Variants in GLYAT observed in about 807,000 individuals in gnomAD.
The protein encoded by GLYAT is glycine-N-acyltransferase.
Under a neutral mutation model 22.8 loss-of-function variants are expected in GLYAT, and 25 were observed. That is an observed-to-expected ratio of 1.09 (90% CI 0.80 to 1.53). GLYAT has a LOEUF of 1.53. Ranked by LOEUF, GLYAT falls within the 40% of genes most tolerant of loss-of-function variation. GLYAT has a pLI of 0.00. For synonymous variants in GLYAT, 140 were observed against 122.7 expected (o/e 1.14, Z -0.93); for missense variants, 411 against 353.9 (o/e 1.16, Z -1.29).
At chr11:58,715,186 T>C in intron 3 of GLYAT, 130 bp downstream of exon 3, 1 of 555,306 alleles carries the variant, frequency 1.8e-6, no homozygotes, top group Admixed American at 3.3e-5. Flanking sequence ...TCCGAGCTTC[T>C]TGAGGATGGG....
chr11:58,721,935 C>T (rs1015635631), intron 2 of GLYAT, among the ~76,000 whole-genome samples: 3 of 151,960 alleles, frequency 2.0e-5, no homozygotes, highest in Non-Finnish European at 1.5e-5. Flanking sequence ...TAACAATGAT[C>T]ACCCAAATTA....
At chr11:58,723,384 T>C (rs1856775893) in intron 2 of GLYAT, among the ~76,000 whole-genome samples, 1 of 152,090 alleles carries the variant, frequency 6.6e-6, no homozygotes, top group Non-Finnish European at 1.5e-5. Flanking sequence ...ATTAGTTTAC[T>C]TGAAGCTATA....
At chr11:58,727,917 A>G (rs535674427) in intron 1 of GLYAT, among the ~76,000 whole-genome samples, 1 of 152,268 alleles carries the variant, frequency 6.6e-6, no homozygotes, top group East Asian at 1.9e-4. Flanking sequence ...GAATGGACAC[A>G]AGAGCCCAGA....
intron 1 of GLYAT, among the ~76,000 whole-genome samples, chr11:58,727,444 C>A (rs1317749064): frequency 5.9e-5 from 9 of 152,140 alleles, no homozygotes; most frequent in Non-Finnish European, 1.2e-4. Flanking sequence ...ACAGGAGATA[C>A]AGGGTGCAGC....
intron 2 of GLYAT, among the ~76,000 whole-genome samples, chr11:58,716,444 A>T (rs956123782): frequency 1.1e-4 from 16 of 152,066 alleles, no homozygotes; most frequent in Non-Finnish European, 2.4e-4. Context: ...AAAAAACTCT[A>T]AATCGACTAA....
At chr11:58,725,069 A>T (rs1033948271) in intron 1 of GLYAT, among the ~76,000 whole-genome samples, 24 of 152,098 alleles carry the variant, frequency 1.6e-4, no homozygotes, top group Non-Finnish European at 3.1e-4. Flanking sequence ...CACTTGAGCC[A>T]AAGTCCTATA....
intron 1 of GLYAT, among the ~76,000 whole-genome samples, chr11:58,730,080 G>A (rs1038148566): frequency 6.6e-6 from 1 of 152,148 alleles, no homozygotes; most frequent in Non-Finnish European, 1.5e-5. Flanking sequence ...GGCAGCACTG[G>A]GCAATGAGTA....
At position 58,731,835 on chromosome 11, in the gene GLYAT, CT is replaced by C. The variant is rs1306415583; in HGVS notation, c.-17del. The C allele has an allele frequency of 6.6e-6, 1 of 152,088 alleles. No homozygotes were observed. The highest frequency in any genetic ancestry group is 1.9e-4 in the East Asian group (1 of 5,176). 9.4% of individuals were successfully genotyped at this position (152,088 alleles called of 1,614,324 possible). On this transcript the variant is annotated splice_region_variant and 5_prime_UTR_variant, in exon 1 of 6. Coordinates refer to ENST00000344743, the MANE Select transcript of GLYAT (RefSeq NM_201648.3). ...CTGATACTTTGTAATGAGTCCTCAC[CT>C]GAAAAGCTAGTCTCTGCAGATGTTT...
At chr11:58,730,413 A>C (rs1418445078) in intron 1 of GLYAT, among the ~76,000 whole-genome samples, 1 of 152,182 alleles carries the variant, frequency 6.6e-6, no homozygotes, top group Non-Finnish European at 1.5e-5. Context: ...ATGCCATGCA[A>C]GTAATTTGCT....
intron 2 of GLYAT, among the ~76,000 whole-genome samples, chr11:58,723,996 G>A (rs1382360079): frequency 6.6e-6 from 1 of 151,964 alleles, no homozygotes; most frequent in Non-Finnish European, 1.5e-5. Context: ...ACTGGCAAGT[G>A]TCCTTTTGTA....
At chr11:58,725,691 G>A (rs1335102304) in intron 1 of GLYAT, among the ~76,000 whole-genome samples, 3 of 152,116 alleles carry the variant, frequency 2.0e-5, no homozygotes, top group Non-Finnish European at 4.4e-5. Context: ...AGAGCAGGAG[G>A]GAAAAGAAGT....
Position 58,731,874 on chromosome 11 carries a change from G to A in GLYAT, c.-55C>T, listed in dbSNP as rs1157020217. On this transcript the variant is annotated 5_prime_UTR_variant, in exon 1 of 6. Coordinates refer to ENST00000344743, the MANE Select transcript of GLYAT (RefSeq NM_201648.3). ...TCTGCAGATGTTTCCGGGAAGAAAC[G>A]ATGAGCAACACCCTTCTGGGAGATG... 2.6e-5 allele frequency: 4 copies of A among 152,130 alleles called. No individual in the cohort carries two copies. Among genetic ancestry groups the A allele is most frequent in the South Asian group, 2.1e-4 (1 of 4,830 alleles). 9.4% of individuals were successfully genotyped at this position (152,130 alleles called of 1,614,324 possible).
Position 58,709,019 on chromosome 11 carries a change from C to T in GLYAT, c.*747G>A, listed in dbSNP as rs1055311105. 1 of 152,158 alleles carries T rather than the reference C, an allele frequency of 6.6e-6. No individual in the cohort carries two copies. Among genetic ancestry groups the T allele is most frequent in the East Asian group, 1.9e-4 (1 of 5,192 alleles). 9.4% of individuals were successfully genotyped at this position (152,158 alleles called of 1,614,324 possible). On this transcript the variant is annotated 3_prime_UTR_variant, in exon 6 of 6. Coordinates refer to ENST00000344743, the MANE Select transcript of GLYAT (RefSeq NM_201648.3). The stretch of plus-strand genomic sequence containing the variant: ...TTTTCATACACTCATTCCTTTCATG[C>T]TGTCACCATGATGAACCACTTAGCT...
At chr11:58,717,537 T>G (rs985427019) in intron 2 of GLYAT, among the ~76,000 whole-genome samples, 1 of 151,584 alleles carries the variant, frequency 6.6e-6, no homozygotes, top group Middle Eastern at 3.4e-3. Context: ...TTCAGTTATT[T>G]CAAATTAGGA....
At chr11:58,726,225 C>T (rs1856810531) in intron 1 of GLYAT, among the ~76,000 whole-genome samples, 1 of 152,104 alleles carries the variant, frequency 6.6e-6, no homozygotes, top group South Asian at 2.1e-4. Context: ...TCCTGCCCTA[C>T]TCATGCCTGA....
Position 58,710,171 on chromosome 11 carries a change from A to C in GLYAT, c.489-3T>G. ...AGAGTTTAAACATCTCTTGGTTGCT[A>C]TGGAGGGTCCAAGAAGAAAACAAAA... On this transcript the variant is annotated splice_region_variant and splice_polypyrimidine_tract_variant and intron_variant, in intron 5 of 5. Coordinates refer to ENST00000344743, the MANE Select transcript of GLYAT (RefSeq NM_201648.3). 6.2e-7 allele frequency: 1 copy of C among 1,607,608 alleles called. No individual in the cohort carries two copies. The highest frequency in any genetic ancestry group is 8.5e-7 in the Non-Finnish European group (1 of 1,176,288).
intron 2 of GLYAT, among the ~76,000 whole-genome samples, chr11:58,720,458 G>A (rs372216300): frequency 6.6e-6 from 1 of 151,976 alleles, no homozygotes; most frequent in African/African-American, 2.4e-5. Flanking sequence ...CAGTGAAAAC[G>A]GATTTGACCT....
intron 1 of GLYAT, among the ~76,000 whole-genome samples, chr11:58,728,500 T>C: frequency 6.6e-6 from 1 of 152,102 alleles, no homozygotes; most frequent in East Asian, 1.9e-4. Context: ...CTACCAGTAA[T>C]ATTGCTTCCA....
chr11:58,710,362 T>G, intron 5 of GLYAT, 194 bp from the exon 6 acceptor site: 1 of 955,830 alleles, frequency 1.0e-6, no homozygotes. Context: ...GGAAGGGCAA[T>G]AAAGGTCCAA....
Sources: gnomAD v4.1 joint callset for allele counts (sites outside exome capture counted in the v4.1 genomes callset) on GRCh38, gnomAD v4.1.1 for gene constraint, MANE v1.5 for transcripts, NCBI Gene and HGNC (gene_info 2026-07-23, HGNC 2026-07-21) for gene names.